Variants in PARP11 observed in about 807,000 individuals in gnomAD.
PARP11 encodes the protein poly(ADP-ribose) polymerase family member 11, also known as protein mono-ADP-ribosyltransferase PARP11.
A neutral mutation model predicts 42.9 loss-of-function variants in PARP11; 31 were observed. The observed-to-expected ratio is 0.72, with a 90% CI of 0.54 to 0.98. PARP11 has a LOEUF of 0.98. Ranked by LOEUF, PARP11 falls within the 50% of genes least tolerant of loss-of-function variation. PARP11 has a pLI of 0.00. For synonymous variants in PARP11, 137 were observed against 127.3 expected (o/e 1.08, Z -0.51); for missense variants, 365 against 413.1 (o/e 0.88, Z 1.01).
chr12:3,858,179 A>G (rs561525191), intron 1 of PARP11, among the ~76,000 whole-genome samples: 3 of 152,362 alleles, frequency 2.0e-5, no homozygotes, highest in Admixed American at 2.0e-4. Context: ...ATGTACCTCC[A>G]GAGTCTATCA....
intron 6 of PARP11, among the ~76,000 whole-genome samples, chr12:3,818,763 C>T (rs1947339708): frequency 6.6e-6 from 1 of 152,190 alleles, no homozygotes; most frequent in South Asian, 2.1e-4. Context: ...GACATCTTTT[C>T]AGTATGTAAT....
chr12:3,816,908 A>G (rs1947298930), intron 6 of PARP11, among the ~76,000 whole-genome samples: 1 of 152,124 alleles, frequency 6.6e-6, no homozygotes, highest in African/African-American at 2.4e-5. Context: ...TCTCAAAAAG[A>G]AGGCCAGGCG....
intron 1 of PARP11, among the ~76,000 whole-genome samples, chr12:3,831,159 T>G (rs1340153054): frequency 6.6e-6 from 1 of 152,184 alleles, no homozygotes; most frequent in Admixed American, 6.5e-5. Flanking sequence ...TAAAGACTTT[T>G]TTAACCATCA....
At chr12:3,869,999 A>C (rs375117870) in intron 1 of PARP11, among the ~76,000 whole-genome samples, 1 of 152,332 alleles carries the variant, frequency 6.6e-6, no homozygotes, top group East Asian at 1.9e-4. Context: ...TCGTGGCCCC[A>C]GGCAGGATGG....
intron 1 of PARP11, among the ~76,000 whole-genome samples, chr12:3,849,064 T>C (rs1430581596): frequency 6.6e-6 from 1 of 151,682 alleles, no homozygotes; most frequent in African/African-American, 2.4e-5. Flanking sequence ...GAGAAAATGC[T>C]CAAAATCACT....
intron 3 of PARP11, 146 bp downstream of exon 3, chr12:3,828,764 G>T (rs1480278226): frequency 3.1e-6 from 2 of 644,002 alleles, no homozygotes; most frequent in East Asian, 5.8e-5. Flanking sequence ...TTTAAAACTT[G>T]AATTTTTATA....
At chr12:3,870,958 A>C (rs1948467322) in intron 1 of PARP11, among the ~76,000 whole-genome samples, 1 of 152,222 alleles carries the variant, frequency 6.6e-6, no homozygotes, top group Non-Finnish European at 1.5e-5. Context: ...AATACAAGTA[A>C]TTACTTTCCT....
At chr12:3,814,304 T>C (rs769241741) in intron 6 of PARP11, 116 bp from the exon 7 acceptor site, 4 of 740,134 alleles carry the variant, frequency 5.4e-6, no homozygotes, top group Admixed American at 4.0e-5. Flanking sequence ...TACTTTAATA[T>C]AAATAACAAG....
chr12:3,872,029 C>T (rs889249976), intron 1 of PARP11: 5 of 152,136 alleles, frequency 3.3e-5, no homozygotes, highest in African/African-American at 1.2e-4. Flanking sequence ...GCTTTCCCTG[C>T]CATTGTCTAT....
chr12:3,835,252 T>C (rs985311819), intron 1 of PARP11, among the ~76,000 whole-genome samples: 3 of 152,190 alleles, frequency 2.0e-5, no homozygotes, highest in Admixed American at 6.5e-5. Context: ...ACATAGTCTA[T>C]GCCAATCCAG....
chr12:3,820,174 G>A (rs561348174), intron 6 of PARP11, among the ~76,000 whole-genome samples: 2 of 152,280 alleles, frequency 1.3e-5, no homozygotes, highest in African/African-American at 2.4e-5. Flanking sequence ...CAAGTGCCCA[G>A]AACAGTGCTT....
intron 1 of PARP11, among the ~76,000 whole-genome samples, chr12:3,835,720 T>G (rs2138059075): frequency 6.6e-6 from 1 of 152,260 alleles, no homozygotes; most frequent in Middle Eastern, 3.4e-3. Flanking sequence ...AAATGGAAAT[T>G]CTGGAGTTGA....
intron 1 of PARP11, chr12:3,864,050 A>C (rs1288478096): frequency 6.6e-6 from 1 of 152,218 alleles, no homozygotes; most frequent in African/African-American, 2.4e-5. Flanking sequence ...AGGTTTCAAC[A>C]ACCCCAGCCT....
At chr12:3,844,348 C>T (rs1304620201) in intron 1 of PARP11, among the ~76,000 whole-genome samples, 3 of 152,200 alleles carry the variant, frequency 2.0e-5, no homozygotes, top group East Asian at 3.9e-4. Flanking sequence ...TTGAAGGTAC[C>T]GCTTAAGCCA....
intron 3 of PARP11, 97 bp downstream of exon 3, chr12:3,828,813 T>TG: frequency 9.4e-7 from 1 of 1,065,124 alleles, no homozygotes; most frequent in Non-Finnish European, 1.4e-6. Flanking sequence ...TATACTTCAC[T>TG]GTTTGCAAAT....
At position 3,861,918 on chromosome 12, in the gene PARP11, G is replaced by A. The variant is rs912732338; in HGVS notation, c.18+11294C>T. On this transcript the variant is annotated intron_variant, in intron 1 of 7. Transcript: ENST00000228820. The surrounding 1 kb of genome is among the most constrained non-coding windows in gnomAD (Gnocchi z 4.6). ...AGGGTGCCTATAGTCCCAGCTACTCGGGAGGCTGAGACAGGAGAATGGCGT... is the reference window on the plus strand; with the variant it reads ...AGGGTGCCTATAGTCCCAGCTACTCAGGAGGCTGAGACAGGAGAATGGCGT... Among the ~76,000 whole-genome samples the A allele has an allele frequency of 1.1e-4, 16 of 152,120 alleles. No individual in the cohort carries two copies. The highest frequency in any genetic ancestry group is 2.7e-4 in the African/African-American group (11 of 41,504).
In PARP11 at chr12:3,812,825, C is replaced by CA. The variant is rs529494973; in HGVS notation, c.701-387dup. ...TTTGTTTTGTTCTGTTTTTTTGAGACAGAGTCTTGCTCTGTCTCCCAAGCT... is the reference window on the plus strand; with the variant it reads ...TTTGTTTTGTTCTGTTTTTTTGAGACAAGAGTCTTGCTCTGTCTCCCAAGCT... On this transcript the variant is annotated intron_variant, in intron 7 of 7. Transcript: ENST00000228820. Among the ~76,000 whole-genome samples, 825 of 152,220 alleles carry CA rather than the reference C, an allele frequency of 5.4e-3. 4 individuals carry two copies. The highest frequency in any genetic ancestry group is 9.0e-3 in the Non-Finnish European group (613 of 68,004).
intron 1 of PARP11, chr12:3,839,557 T>C: frequency 6.4e-6 from 9 of 1,402,864 alleles, no homozygotes; most frequent in Non-Finnish European, 9.1e-6. Flanking sequence ...TATAGGAGGA[T>C]CATTTGAAGG....
chr12:3,865,383 A>G (rs1432783920), intron 1 of PARP11, among the ~76,000 whole-genome samples: 1 of 152,162 alleles, frequency 6.6e-6, no homozygotes, highest in African/African-American at 2.4e-5. Flanking sequence ...GTTAGTTGAC[A>G]GTGGTGTTCA....
Sources: allele counts gnomAD v4.1 joint callset (sites outside exome capture counted in the v4.1 genomes callset), GRCh38; gene constraint gnomAD v4.1.1; non-coding constraint Gnocchi (gnomAD v3.1); transcripts MANE v1.5; gene names NCBI Gene and HGNC (gene_info 2026-07-23, HGNC 2026-07-21).